The following NXPH1 variants were observed in gnomAD, a reference collection of about 807,000 sequenced individuals.
NXPH1 encodes the protein neurexophilin-1.
NXPH1 carries 5 observed loss-of-function variants against 23.7 expected under a neutral mutation model. That is an observed-to-expected ratio of 0.21 (90% confidence interval 0.11 to 0.44). NXPH1 has a LOEUF of 0.44. NXPH1 is among the 20% of genes least tolerant of loss of function. The pLI, the probability that NXPH1 is intolerant of heterozygous loss-of-function variation, is 0.99. For synonymous variants in NXPH1, 144 were observed against 122.2 expected, an observed-to-expected ratio of 1.18 and a Z score of -1.18; for missense variants, 324 against 321.6, an observed-to-expected ratio of 1.01 and a Z score of -0.06.
At chr7:8,547,265 G>T (rs1818211189) in intron 2 of NXPH1, among the ~76,000 whole-genome samples, 1 of 151,316 alleles carries the variant, frequency 6.6e-6, no homozygotes, top group African/African-American at 2.4e-5. Flanking sequence ...TAACGTCATT[G>T]AAGTATCTTC....
At chr7:8,639,630 C>G (rs1249076867) in intron 2 of NXPH1, among the ~76,000 whole-genome samples, 1 of 152,032 alleles carries the variant, frequency 6.6e-6, no homozygotes, top group Non-Finnish European at 1.5e-5. Context: ...GGCTGTGTCC[C>G]CCACCCAAAT....
chr7:8,701,350 A>G (rs938364007), intron 2 of NXPH1, among the ~76,000 whole-genome samples: 8 of 152,006 alleles, frequency 5.3e-5, no homozygotes, highest in Non-Finnish European at 2.9e-5. Context: ...GCACTGTAAC[A>G]AATTCTTTCA....
chr7:8,457,657 C>A (rs544387882), intron 2 of NXPH1, among the ~76,000 whole-genome samples: 4 of 151,624 alleles, frequency 2.6e-5, no homozygotes, highest in African/African-American at 9.7e-5. Context: ...TCCCATTGTT[C>A]ATACTTGTAT....
chr7:8,568,408 A>G (rs1818585215), intron 2 of NXPH1, among the ~76,000 whole-genome samples: 1 of 151,904 alleles, frequency 6.6e-6, no homozygotes. Context: ...AAATTTTTAC[A>G]CAAGGCCCCA....
intron 2 of NXPH1, among the ~76,000 whole-genome samples, chr7:8,594,128 C>T (rs2189464): frequency 0.27 from 41,237 of 151,820 alleles, 6,108 homozygotes; most frequent in African/African-American, 0.38. Context: ...GAAAGGCCCA[C>T]GTTTTACTAG....
At chr7:8,526,904 C>T (rs554272857) in intron 2 of NXPH1, among the ~76,000 whole-genome samples, 75 of 152,228 alleles carry the variant, frequency 4.9e-4, no homozygotes, top group African/African-American at 1.6e-3. Context: ...AATATATTGT[C>T]GTGCATAAAC....
intron 2 of NXPH1, among the ~76,000 whole-genome samples, chr7:8,708,275 G>T (rs955099731): frequency 6.6e-6 from 1 of 152,046 alleles, no homozygotes; most frequent in African/African-American, 2.4e-5. Context: ...GCTTATCTAG[G>T]TGTTCTAAAT....
chr7:8,657,068 C>T (rs2115158215), intron 2 of NXPH1, among the ~76,000 whole-genome samples: 1 of 152,276 alleles, frequency 6.6e-6, no homozygotes, highest in African/African-American at 2.4e-5. Context: ...ACATGATGTC[C>T]TAACTGTTAT....
intron 2 of NXPH1, among the ~76,000 whole-genome samples, chr7:8,454,087 T>C (rs1584164891): frequency 2.1e-5 from 2 of 94,934 alleles, no homozygotes; most frequent in South Asian, 7.0e-4. Flanking sequence ...TGGGGCCTTT[T>C]GGAGGGTGGA....
At chr7:8,524,622 A>G (rs1563335595) in intron 2 of NXPH1, among the ~76,000 whole-genome samples, 1 of 152,198 alleles carries the variant, frequency 6.6e-6, no homozygotes, top group Non-Finnish European at 1.5e-5. Context: ...CTTGAAATAT[A>G]TCTCCCAGAA....
chr7:8,584,916 C>G (rs10486240), intron 2 of NXPH1, among the ~76,000 whole-genome samples: 1 of 151,980 alleles, frequency 6.6e-6, no homozygotes, highest in African/African-American at 2.4e-5. Flanking sequence ...TTAGACTGAC[C>G]ACATAGGAAT....
intron 2 of NXPH1, among the ~76,000 whole-genome samples, chr7:8,567,348 G>A (rs1818564223): frequency 6.6e-6 from 1 of 151,894 alleles, no homozygotes; most frequent in Non-Finnish European, 1.5e-5. Context: ...CATTTCTGCA[G>A]GGGTCTTATA....
chr7:8,524,681 G>A (rs950550041), intron 2 of NXPH1, among the ~76,000 whole-genome samples: 1 of 152,102 alleles, frequency 6.6e-6, no homozygotes, highest in Non-Finnish European at 1.5e-5. Flanking sequence ...GAATCATGGG[G>A]GCCGATCTTT....
intron 2 of NXPH1, among the ~76,000 whole-genome samples, chr7:8,698,894 T>A (rs573702618): frequency 6.6e-6 from 1 of 152,296 alleles, no homozygotes; most frequent in East Asian, 1.9e-4. Flanking sequence ...CCCATATTCA[T>A]TACCATTATA....
At chr7:8,527,241 C>T (rs902254704) in intron 2 of NXPH1, among the ~76,000 whole-genome samples, 3 of 152,202 alleles carry the variant, frequency 2.0e-5, no homozygotes, top group Non-Finnish European at 4.4e-5. Flanking sequence ...TTGCAAGGAA[C>T]CACGTAGTGA....
intron 2 of NXPH1, among the ~76,000 whole-genome samples, chr7:8,459,577 A>G (rs765701264): frequency 1.3e-5 from 2 of 152,232 alleles, no homozygotes; most frequent in Non-Finnish European, 2.9e-5. Flanking sequence ...TTCTAGAAAC[A>G]TTAATGCAAA....
intron 2 of NXPH1, among the ~76,000 whole-genome samples, chr7:8,456,009 C>G (rs1034602989): frequency 2.6e-5 from 4 of 152,164 alleles, no homozygotes; most frequent in African/African-American, 9.7e-5. Context: ...GATGGAGCCT[C>G]TGCTCTGAAA....
intron 2 of NXPH1, among the ~76,000 whole-genome samples, chr7:8,639,484 C>G (rs1455421524): frequency 2.0e-5 from 3 of 152,000 alleles, no homozygotes; most frequent in Non-Finnish European, 4.4e-5. Context: ...GGCTGTTTCT[C>G]TATATACTTT....
intron 2 of NXPH1, among the ~76,000 whole-genome samples, chr7:8,486,099 C>T (rs976638727): frequency 6.6e-6 from 1 of 152,134 alleles, no homozygotes; most frequent in Non-Finnish European, 1.5e-5. Flanking sequence ...CTTTCCCCAT[C>T]TGAATAAGTC....
Sources: gnomAD v4.1 joint callset for allele counts (sites outside exome capture counted in the v4.1 genomes callset) on GRCh38, gnomAD v4.1.1 for gene constraint, MANE v1.5 for transcripts, NCBI Gene and HGNC (gene_info 2026-07-23, HGNC 2026-07-21) for gene names.